The following PARD3 variants were observed in gnomAD, a reference collection of about 807,000 sequenced individuals.
PARD3 encodes partitioning defective 3 homolog.
Under a neutral mutation model 155.4 loss-of-function variants are expected in PARD3, and 75 were observed. The observed-to-expected ratio is 0.48, with a 90% confidence interval of 0.40 to 0.58. PARD3 has a LOEUF of 0.58. Ranked by LOEUF, PARD3 falls within the 20% of genes least tolerant of loss-of-function variation. PARD3 has a pLI of 0.00. For synonymous variants in PARD3, 576 were observed against 610.5 expected (o/e 0.94, Z 0.83); for missense variants, 1,642 against 1,721.7 (o/e 0.95, Z 0.82).
At chr10:34,526,749 T>G (rs553590542) in intron 2 of PARD3, among the ~76,000 whole-genome samples, 6 of 152,180 alleles carry the variant, frequency 3.9e-5, no homozygotes, top group South Asian at 2.1e-4. Flanking sequence ...GCAGGGAAAG[T>G]AGGAGTCCCA....
chr10:34,761,858 A>G (rs1193653156), intron 1 of PARD3, among the ~76,000 whole-genome samples: 1 of 152,240 alleles, frequency 6.6e-6, no homozygotes, highest in African/African-American at 2.4e-5. Flanking sequence ...ATCATGATAA[A>G]CGAACCAGGG....
intron 12 of PARD3, among the ~76,000 whole-genome samples, chr10:34,370,625 T>G (rs1175544995): frequency 3.3e-5 from 5 of 152,138 alleles, no homozygotes; most frequent in Non-Finnish European, 5.9e-5. Context: ...TCATTTTCCA[T>G]CTCAGATTGT....
chr10:34,272,772 A>G (rs898812054), intron 21 of PARD3, among the ~76,000 whole-genome samples: 1 of 152,136 alleles, frequency 6.6e-6, no homozygotes, highest in African/African-American at 2.4e-5. Flanking sequence ...AAACCCCTGA[A>G]ACCTCAACAA....
At chr10:34,137,514 T>C (rs1947964098) in intron 22 of PARD3, among the ~76,000 whole-genome samples, 1 of 152,226 alleles carries the variant, frequency 6.6e-6, no homozygotes, top group Admixed American at 6.5e-5. Context: ...ATAATCAATA[T>C]GTGTTGTTTT....
At chr10:34,639,855 GACAC>G (rs139829298) in intron 2 of PARD3, among the ~76,000 whole-genome samples, 1 of 150,212 alleles carries the variant, frequency 6.7e-6, no homozygotes, top group Non-Finnish European at 1.5e-5. Flanking sequence ...AACAGAGTAA[GACAC>G]ACACACACAC....
chr10:34,465,494 G>A (rs551209131), intron 4 of PARD3, among the ~76,000 whole-genome samples: 1 of 152,276 alleles, frequency 6.6e-6, no homozygotes, highest in South Asian at 2.1e-4. Context: ...GTATTGGAAA[G>A]ATAGCAAACA....
chr10:34,203,736 G>A (rs1951329202), intron 22 of PARD3, among the ~76,000 whole-genome samples: 2 of 152,178 alleles, frequency 1.3e-5, no homozygotes, highest in African/African-American at 4.8e-5. Flanking sequence ...CATCGATGCA[G>A]AACCCATGAA....
intron 1 of PARD3, among the ~76,000 whole-genome samples, chr10:34,760,499 T>A (rs1459141456): frequency 2.0e-5 from 3 of 152,130 alleles, no homozygotes; most frequent in African/African-American, 4.8e-5. Flanking sequence ...GCCCGGCTAA[T>A]TTTTGTATCT....
chr10:34,603,212 A>G (rs1365153410), intron 2 of PARD3, among the ~76,000 whole-genome samples: 1 of 152,168 alleles, frequency 6.6e-6, no homozygotes, highest in Non-Finnish European at 1.5e-5. Flanking sequence ...CCCAGAATGA[A>G]GCAATAGTGC....
At chr10:34,235,634 ATG>A (rs1336487009) in intron 22 of PARD3, among the ~76,000 whole-genome samples, 1 of 152,116 alleles carries the variant, frequency 6.6e-6, no homozygotes, top group Non-Finnish European at 1.5e-5. Context: ...AAACAAACAA[ATG>A]TGTGTGTGTG....
At chr10:34,131,241 G>C (rs1947594502) in intron 23 of PARD3, among the ~76,000 whole-genome samples, 1 of 152,210 alleles carries the variant, frequency 6.6e-6, no homozygotes, top group African/African-American at 2.4e-5. Context: ...CATAAGGCTA[G>C]TGAAACCTAT....
chr10:34,658,354 G>A (rs947022825), intron 2 of PARD3, among the ~76,000 whole-genome samples: 1 of 152,142 alleles, frequency 6.6e-6, no homozygotes, highest in Non-Finnish European at 1.5e-5. Flanking sequence ...TCAGGATCGA[G>A]TAAGGAAAAC....
In PARD3 at chr10:34,110,459, A is replaced by T. The variant is rs899242793; in HGVS notation, c.*710T>A. 6.6e-6 allele frequency: 1 copy of T among 152,190 alleles called. No individual in the cohort carries two copies. Among genetic ancestry groups the T allele is most frequent in the Admixed American group, 6.5e-5 (1 of 15,276 alleles). 9.4% of individuals were successfully genotyped at this position (152,190 alleles called of 1,614,324 possible). A position where few individuals can be genotyped will look rare whatever the true frequency, so the allele number is the denominator to read the frequency against. Reference sequence around the variant, plus strand: ...TCCCCACACAGAGCTGTGGTGACTCAACCCACGTGTCAGGAACAGGACCGA... The same window carrying T: ...TCCCCACACAGAGCTGTGGTGACTCTACCCACGTGTCAGGAACAGGACCGA... On this transcript the variant is annotated 3_prime_UTR_variant, in exon 25 of 25. Transcript: ENST00000374788.
chr10:34,390,065 CA>C (rs1842737904), intron 7 of PARD3, among the ~76,000 whole-genome samples: 1 of 152,136 alleles, frequency 6.6e-6, no homozygotes, highest in Admixed American at 6.6e-5. Context: ...TGAAAACTTT[CA>C]GACAAAAGAC....
At chr10:34,798,212 C>T (rs1842490283) in intron 1 of PARD3, among the ~76,000 whole-genome samples, 1 of 152,066 alleles carries the variant, frequency 6.6e-6, no homozygotes, top group East Asian at 1.9e-4. Context: ...ACCTGTAGTC[C>T]TAGCTACTCA....
chr10:34,383,786 G>T (rs991545806), intron 8 of PARD3, among the ~76,000 whole-genome samples: 6 of 152,202 alleles, frequency 3.9e-5, no homozygotes, highest in Non-Finnish European at 8.8e-5. Flanking sequence ...CTGCTTGTTT[G>T]TATCTAGAGA....
chr10:34,334,761 T>C (rs917415632), intron 18 of PARD3, among the ~76,000 whole-genome samples: 2 of 151,706 alleles, frequency 1.3e-5, no homozygotes, highest in African/African-American at 4.8e-5. Flanking sequence ...AAGTTCTTTT[T>C]CTCTAGAATC....
At chr10:34,499,382 A>G (rs143222208) in intron 3 of PARD3, among the ~76,000 whole-genome samples, 159 of 152,294 alleles carry the variant, frequency 1.0e-3, no homozygotes, top group African/African-American at 3.7e-3. Context: ...ACGATGATAG[A>G]CTATTGCTCT....
At chr10:34,335,674 G>A (rs1836100738) in intron 18 of PARD3, among the ~76,000 whole-genome samples, 1 of 152,000 alleles carries the variant, frequency 6.6e-6, no homozygotes, top group African/African-American at 2.4e-5. Flanking sequence ...TCCAACGTCA[G>A]GTTAATTATA....
Sources: gnomAD v4.1 joint callset for allele counts (sites outside exome capture counted in the v4.1 genomes callset) on GRCh38, gnomAD v4.1.1 for gene constraint, MANE v1.5 for transcripts, NCBI Gene and HGNC (gene_info 2026-07-23, HGNC 2026-07-21) for gene names.